CASQ2: variants seen among roughly 807,000 people sequenced by gnomAD.
The protein encoded by CASQ2 is calsequestrin-2.
In CASQ2, 49 loss-of-function variants were observed where a neutral mutation model predicts 46.5. The ratio of observed to expected loss-of-function variants is 1.05; its 90% CI spans 0.84 to 1.34. The LOEUF (loss-of-function observed/expected upper bound fraction) is 1.34. Among genes scored for constraint, CASQ2 ranks in the 40% most tolerant of loss-of-function variants. The probability of loss-of-function intolerance (pLI) is 0.00; values close to 1 mark genes in which losing one functional copy is unlikely to be tolerated. For missense variants in CASQ2, 486 were observed against 481.3 expected (o/e 1.01, Z -0.09); for synonymous variants, 174 against 168.5 (o/e 1.03, Z -0.25).
intron 3 of CASQ2, among the ~76,000 whole-genome samples, chr1:115,740,493 A>G (rs1307176921): frequency 6.6e-6 from 1 of 152,214 alleles, no homozygotes; most frequent in African/African-American, 2.4e-5. Flanking sequence ...CTGGTAACAG[A>G]ATTAGCATAT....
chr1:115,730,431 C>T, intron 5 of CASQ2, among the ~76,000 whole-genome samples: 1 of 152,198 alleles, frequency 6.6e-6, no homozygotes, highest in East Asian at 1.9e-4. Context: ...ATCTGCTTTG[C>T]TCAATGTTGT....
intron 4 of CASQ2, among the ~76,000 whole-genome samples, chr1:115,737,927 G>A (rs142404035): frequency 1.1e-3 from 162 of 152,314 alleles, no homozygotes; most frequent in African/African-American, 3.4e-3. Flanking sequence ...GGGAGAATCC[G>A]ACTGGGAGGT....
At chr1:115,729,205 A>C (rs1450478773) in intron 5 of CASQ2, among the ~76,000 whole-genome samples, 1 of 151,692 alleles carries the variant, frequency 6.6e-6, no homozygotes, top group African/African-American at 2.4e-5. Flanking sequence ...ACAGGCCACC[A>C]CACCCAGCTA....
intron 1 of CASQ2, among the ~76,000 whole-genome samples, chr1:115,750,510 T>G (rs1486119651): frequency 2.0e-5 from 3 of 152,162 alleles, no homozygotes; most frequent in Admixed American, 6.5e-5. Flanking sequence ...CCTTAAGGTT[T>G]TGTTCTGTTT....
chr1:115,723,710 G>A (rs1367721162), intron 7 of CASQ2, among the ~76,000 whole-genome samples: 4 of 151,896 alleles, frequency 2.6e-5, no homozygotes, highest in Non-Finnish European at 5.9e-5. Flanking sequence ...GCTAATTTTT[G>A]TATTTTTTGG....
chr1:115,753,866 A>T (rs1041616997), intron 1 of CASQ2, among the ~76,000 whole-genome samples: 1 of 151,608 alleles, frequency 6.6e-6, no homozygotes, highest in Non-Finnish European at 1.5e-5. Flanking sequence ...GTGGGTGGGG[A>T]TTACTTTCTG....
At chr1:115,766,829 G>A (rs944497127) in intron 1 of CASQ2, among the ~76,000 whole-genome samples, 2 of 151,910 alleles carry the variant, frequency 1.3e-5, no homozygotes, top group African/African-American at 4.8e-5. Context: ...ATTTTGCATA[G>A]TCTTTGGGGA....
intron 10 of CASQ2, 146 bp downstream of exon 10, chr1:115,702,775 A>G: frequency 1.4e-6 from 1 of 696,096 alleles, no homozygotes; most frequent in South Asian, 1.5e-5. Flanking sequence ...CCAGGCGTGG[A>G]ACACACTGGC....
At chr1:115,759,171 T>C (rs1195825585) in intron 1 of CASQ2, among the ~76,000 whole-genome samples, 3 of 152,206 alleles carry the variant, frequency 2.0e-5, no homozygotes, top group Non-Finnish European at 4.4e-5. Context: ...TCTGCATCTT[T>C]GTAAGTGCTA....
intron 1 of CASQ2, among the ~76,000 whole-genome samples, chr1:115,764,173 AAAC>A (rs1408233783): frequency 3.3e-5 from 5 of 152,370 alleles, no homozygotes; most frequent in African/African-American, 1.2e-4. Context: ...ATGTTCATTA[AAAC>A]AACAATGAAA....
At chr1:115,751,287 G>C (rs559659620) in intron 1 of CASQ2, among the ~76,000 whole-genome samples, 2 of 152,276 alleles carry the variant, frequency 1.3e-5, no homozygotes, top group South Asian at 4.1e-4. Context: ...ATTATTAATT[G>C]AGAACCTACT....
At chr1:115,740,510 T>C (rs1648138895) in intron 3 of CASQ2, among the ~76,000 whole-genome samples, 2 of 152,232 alleles carry the variant, frequency 1.3e-5, no homozygotes, top group African/African-American at 2.4e-5. Flanking sequence ...ATATTACTAC[T>C]ACATGGCCCC....
intron 9 of CASQ2, among the ~76,000 whole-genome samples, chr1:115,704,845 C>G: frequency 6.6e-6 from 1 of 151,972 alleles, no homozygotes; most frequent in Admixed American, 6.6e-5. Context: ...GGCCTCAGAA[C>G]GATGGTCCCC....
At chr1:115,719,008 A>G (rs1021889077) in intron 7 of CASQ2, among the ~76,000 whole-genome samples, 2 of 152,172 alleles carry the variant, frequency 1.3e-5, no homozygotes, top group African/African-American at 4.8e-5. Context: ...GAATCATCCT[A>G]TGGAAAAACC....
chr1:115,761,529 G>GA (rs1557806976), intron 1 of CASQ2, among the ~76,000 whole-genome samples: 1 of 67,866 alleles, frequency 1.5e-5, no homozygotes, highest in Admixed American at 1.6e-4. Context: ...AGAAGAAGAA[G>GA]AGTTCATAAA....
intron 1 of CASQ2, 108 bp from the exon 2 acceptor site, chr1:115,745,020 C>A: frequency 1.3e-6 from 1 of 795,354 alleles, no homozygotes; most frequent in Admixed American, 2.0e-5. Flanking sequence ...TCTATACTTG[C>A]TGTTACTATG....
Position 115,727,131 on chromosome 1 carries a change from A to T in CASQ2, c.607-9T>A. ...GATAATTTCTTTGCAACCTGTAACC[A>T]TTAGAAATAAGACAAAGTTTATTTG... On this transcript the variant is annotated splice_polypyrimidine_tract_variant and intron_variant, in intron 5 of 10. Transcript: ENST00000261448. 1.2e-6 allele frequency: 2 copies of T among 1,605,358 alleles called. No homozygotes were observed. The highest frequency in any genetic ancestry group is 2.2e-5 in the South Asian group (2 of 90,830).
intron 7 of CASQ2, among the ~76,000 whole-genome samples, chr1:115,720,542 A>C (rs542283707): frequency 6.6e-6 from 1 of 152,156 alleles, no homozygotes; most frequent in Non-Finnish European, 1.5e-5. Context: ...GGCTCCATGA[A>C]TTTATTCCCC....
At chr1:115,737,551 A>G (rs1408112413) in intron 4 of CASQ2, among the ~76,000 whole-genome samples, 2 of 152,168 alleles carry the variant, frequency 1.3e-5, no homozygotes, top group African/African-American at 4.8e-5. Context: ...GCAGTTTTAA[A>G]TATGTACAGT....
Sources: allele counts gnomAD v4.1 joint callset (sites outside exome capture counted in the v4.1 genomes callset), GRCh38; gene constraint gnomAD v4.1.1; transcripts MANE v1.5; gene names NCBI Gene and HGNC (gene_info 2026-07-23, HGNC 2026-07-21).